The following PIEZO2 variants were observed in gnomAD, a reference collection of about 807,000 sequenced individuals.
PIEZO2 encodes piezo-type mechanosensitive ion channel component 2.
In PIEZO2, 172 loss-of-function variants were observed where a neutral mutation model predicts 337.3. That is an observed-to-expected ratio of 0.51 (90% CI 0.45 to 0.58). The LOEUF is 0.58. Ranked by LOEUF, PIEZO2 falls within the 20% of genes least tolerant of loss-of-function variation. The pLI, the probability that PIEZO2 is intolerant of heterozygous loss-of-function variation, is 0.00. For missense variants in PIEZO2, 3,028 were observed against 3,391.3 expected (o/e 0.89, Z 2.66); for synonymous variants, 1,251 against 1,228.5 (o/e 1.02, Z -0.38).
Position 10,830,496 on chromosome 18 carries a change from A to T in PIEZO2, c.918-23222T>A, listed in dbSNP as rs1222470038. Among the ~76,000 whole-genome samples the T allele has an allele frequency of 6.6e-6, 1 of 151,834 alleles. No individual in the cohort carries two copies. The highest frequency in any genetic ancestry group is 1.5e-5 in the Non-Finnish European group (1 of 68,002). ...TCTGGTTGCACTTGAATAAAACTAG[A>T]CCTCTATTTCTCTCCATTTACAAAC... On this transcript the variant is annotated intron_variant, in intron 7 of 55. Coordinates refer to ENST00000674853, the MANE Select transcript of PIEZO2 (RefSeq NM_001378183.1). The surrounding 1 kb of genome is among the most constrained non-coding windows in gnomAD (Gnocchi z 4.7).
chr18:10,700,759 A>G (rs2035296742), intron 43 of PIEZO2, among the ~76,000 whole-genome samples: 1 of 152,248 alleles, frequency 6.6e-6, no homozygotes, highest in Admixed American at 6.5e-5. Flanking sequence ...TGTTCATAAC[A>G]AAAATCAGTA....
intron 2 of PIEZO2, among the ~76,000 whole-genome samples, chr18:11,018,388 T>A: frequency 1.2e-5 from 1 of 86,070 alleles, no homozygotes; most frequent in East Asian, 3.4e-4. Context: ...ATGTCGTGTG[T>A]GTGTGTGTGT....
intron 2 of PIEZO2, among the ~76,000 whole-genome samples, chr18:11,052,154 A>T (rs2037557461): frequency 6.6e-6 from 1 of 152,050 alleles, no homozygotes; most frequent in Non-Finnish European, 1.5e-5. Flanking sequence ...TAATACAATG[A>T]GTTAGTGTAT....
chr18:10,737,386 A>G (rs1384795693), intron 33 of PIEZO2, among the ~76,000 whole-genome samples: 1 of 152,154 alleles, frequency 6.6e-6, no homozygotes, highest in Non-Finnish European at 1.5e-5. Context: ...GACAGTAACA[A>G]CAAAAACACC....
rs951461247 is a variant in PIEZO2, at chr18:11,092,097, G to C, written c.65-25875C>G. ...TTTCACTCAGAGAGGTGGCTAAAAG[G>C]GTATTTTTTGAAAGGTTGTCTGCTA... On this transcript the variant is annotated intron_variant, in intron 1 of 55. Coordinates refer to ENST00000674853, the MANE Select transcript of PIEZO2 (RefSeq NM_001378183.1). The surrounding 1 kb of genome is among the most constrained non-coding windows in gnomAD (Gnocchi z 4.5). Among the ~76,000 whole-genome samples, 1 of 152,152 alleles carries C rather than the reference G, an allele frequency of 6.6e-6. No homozygotes were observed. The highest frequency in any genetic ancestry group is 1.5e-5 in the Non-Finnish European group (1 of 68,030).
intron 1 of PIEZO2, among the ~76,000 whole-genome samples, chr18:11,100,641 G>A (rs1304279746): frequency 6.6e-6 from 1 of 152,070 alleles, no homozygotes; most frequent in Admixed American, 6.6e-5. Context: ...TGTCGCCCAG[G>A]CTGGAGTGCA....
At chr18:10,747,841 A>G (rs2037487364) in intron 30 of PIEZO2, among the ~76,000 whole-genome samples, 1 of 152,192 alleles carries the variant, frequency 6.6e-6, no homozygotes, top group Admixed American at 6.5e-5. Flanking sequence ...CCCAGTATCC[A>G]TCAGCTTATT....
rs1455100565 is a variant in PIEZO2, at chr18:10,784,920, C to T, written c.2356G>A (p.Glu786Lys). Reference protein sequence around the residue: ...DLGLKQFTVAELFTRIFIPTS... With the variant: ...DLGLKQFTVAKLFTRIFIPTS... ...GGGATGAATATGCGAGTGAATAGTT[C>T]AGCCACAGTAAACTGCTTTAAGCCA... is the stretch of plus-strand genomic sequence containing the variant. The change falls in exon 17 of 56, where the codon GAA (glutamate) becomes AAA (lysine). Residue 786 changes from glutamate to lysine, a missense_variant. Transcript: ENST00000674853. This position sits in a 1 kb window ranked among gnomAD's most constrained non-coding sequence, Gnocchi z 4.5. 6.5e-7 allele frequency: 1 copy of T among 1,537,160 alleles called. No individual in the cohort carries two copies. The highest frequency in any genetic ancestry group is 2.0e-5 in the Admixed American group (1 of 50,964).
rs1349411907 is a variant in PIEZO2 at position 10,819,271 on chromosome 18, G to T, written c.918-11997C>A. On this transcript the variant is annotated intron_variant, in intron 7 of 55. Transcript: ENST00000674853. This position sits in a 1 kb window ranked among gnomAD's most constrained non-coding sequence, Gnocchi z 4.3. ...GATATACAGTTAAATATTTATAAAT[G>T]GTATACTGTTTTTTGGATAAAGAGG... Among the ~76,000 whole-genome samples, 1 of 151,978 alleles carries T rather than the reference G, an allele frequency of 6.6e-6. No individual in the cohort carries two copies. Among genetic ancestry groups the T allele is most frequent in the Non-Finnish European group, 1.5e-5 (1 of 67,986 alleles).
chr18:11,130,422 A>G (rs1278960994), intron 1 of PIEZO2, among the ~76,000 whole-genome samples: 1 of 152,262 alleles, frequency 6.6e-6, no homozygotes, highest in Non-Finnish European at 1.5e-5. Flanking sequence ...CAAGGCCAGC[A>G]ATATACCTTT....
At chr18:10,904,972 G>T (rs2043138921) in intron 4 of PIEZO2, among the ~76,000 whole-genome samples, 1 of 152,188 alleles carries the variant, frequency 6.6e-6, no homozygotes, top group Admixed American at 6.5e-5. Context: ...TAGCCCAGGG[G>T]TGGGCAGGAA....
chr18:10,892,821 A>C (rs1025796551), intron 4 of PIEZO2, among the ~76,000 whole-genome samples: 4 of 152,254 alleles, frequency 2.6e-5, no homozygotes, highest in African/African-American at 9.6e-5. Flanking sequence ...TCTAACAAGT[A>C]CTTCATACAA....
chr18:10,967,529 G>T (rs1158072581), intron 3 of PIEZO2, among the ~76,000 whole-genome samples: 1 of 152,114 alleles, frequency 6.6e-6, no homozygotes, highest in African/African-American at 2.4e-5. Context: ...TCTCCACATT[G>T]TTTTCCACAG....
At position 10,969,343 on chromosome 18, in the gene PIEZO2, G is replaced by T. The variant is rs1334037024; in HGVS notation, c.286+10192C>A. Among the ~76,000 whole-genome samples, 2 of 151,986 alleles carry T rather than the reference G, an allele frequency of 1.3e-5. No homozygotes were observed. The highest frequency in any genetic ancestry group is 2.9e-5 in the Non-Finnish European group (2 of 68,012). On this transcript the variant is annotated intron_variant, in intron 3 of 55. Coordinates refer to ENST00000674853, the MANE Select transcript of PIEZO2 (RefSeq NM_001378183.1). The surrounding 1 kb of genome is among the most constrained non-coding windows in gnomAD (Gnocchi z 4.5). ...AATCCCAAATCATTTTAAACTTCCTGCTCTGTGATTTGTCTTACAGCAAGG... is the reference window on the plus strand; with the variant it reads ...AATCCCAAATCATTTTAAACTTCCTTCTCTGTGATTTGTCTTACAGCAAGG...
At chr18:11,093,262 C>T (rs966406807) in intron 1 of PIEZO2, among the ~76,000 whole-genome samples, 3 of 152,190 alleles carry the variant, frequency 2.0e-5, no homozygotes, top group Non-Finnish European at 4.4e-5. Context: ...ACCCCTCAAG[C>T]CAGATCCCCA....
At position 10,894,283 on chromosome 18, in the gene PIEZO2, CTG is replaced by C. The variant is rs1308449069; in HGVS notation, c.329+16901_329+16902del. 1.3e-5 allele frequency among the ~76,000 whole-genome samples: 2 copies of C among 151,654 alleles called. No homozygotes were observed. The highest frequency in any genetic ancestry group is 4.9e-5 in the African/African-American group (2 of 41,074). On this transcript the variant is annotated intron_variant, in intron 4 of 55. Coordinates refer to ENST00000674853, the MANE Select transcript of PIEZO2 (RefSeq NM_001378183.1). This position sits in a 1 kb window ranked among gnomAD's most constrained non-coding sequence, Gnocchi z 4.1. The stretch of plus-strand genomic sequence containing the variant: ...CCTGGCCAACATGGAGAAATCCCCT[CTG>C]TACTAAAAATACAAAAAAAACAGCC...
chr18:10,791,169 A>G, intron 14 of PIEZO2, 32 bp downstream of exon 14: 1 of 1,501,374 alleles, frequency 6.7e-7, no homozygotes, highest in Non-Finnish European at 8.9e-7. Flanking sequence ...CTGAGCACCA[A>G]ACTCTCCAGC....
chr18:11,092,775 G>A lies in PIEZO2; in HGVS notation c.65-26553C>T, dbSNP rs192481486. On this transcript the variant is annotated intron_variant, in intron 1 of 55. Transcript: ENST00000674853. This position sits in a 1 kb window ranked among gnomAD's most constrained non-coding sequence, Gnocchi z 4.5. ...TAATGTAGCCTATGTGATTGGGGTC[G>A]GAACTGAGAACATTTATGGCATGAG... Among the ~76,000 whole-genome samples the A allele has an allele frequency of 2.6e-4, 39 of 152,264 alleles. 2 individuals are homozygous for A. The highest frequency in any genetic ancestry group is 2.4e-3 in the Admixed American group (37 of 15,280).
chr18:10,907,486 G>A (rs184570954), intron 4 of PIEZO2, among the ~76,000 whole-genome samples: 441 of 152,070 alleles, frequency 2.9e-3, no homozygotes, highest in Admixed American at 5.9e-3. Context: ...ATCATGTTGA[G>A]ATGAAAGCAC....
Sources: gnomAD v4.1 joint callset for allele counts (sites outside exome capture counted in the v4.1 genomes callset) on GRCh38, gnomAD v4.1.1 for gene constraint, Gnocchi (gnomAD v3.1) non-coding constraint, MANE v1.5 for transcripts, NCBI Gene and HGNC (gene_info 2026-07-23, HGNC 2026-07-21) for gene names.